The following SORCS2 variants were observed in gnomAD, a reference collection of about 807,000 sequenced individuals.
The protein encoded by SORCS2 is sortilin related VPS10 domain containing receptor 2.
SORCS2 carries 100 observed loss-of-function variants against 141.6 expected under a neutral mutation model. The ratio of observed to expected loss-of-function variants is 0.71; its 90% CI spans 0.60 to 0.83. SORCS2 has a LOEUF of 0.83. Ranked by LOEUF, SORCS2 falls within the 40% of genes least tolerant of loss-of-function variation. The pLI is 0.00. For synonymous variants in SORCS2, 789 were observed against 676.9 expected (o/e 1.17, Z -2.57); for missense variants, 1,646 against 1,560.2 (o/e 1.05, Z -0.93).
At chr4:7,324,071 G>A (rs1428499504) in intron 1 of SORCS2, among the ~76,000 whole-genome samples, 1 of 152,222 alleles carries the variant, frequency 6.6e-6, no homozygotes, top group African/African-American at 2.4e-5. Context: ...GGGTCTTGCA[G>A]GCTTGGGGAG....
Position 7,434,758 on chromosome 4 carries a change from G to A in SORCS2, c.548+38403G>A, listed in dbSNP as rs761972817. On this transcript the variant is annotated intron_variant, in intron 2 of 26. Coordinates refer to ENST00000507866, the MANE Select transcript of SORCS2 (RefSeq NM_020777.3). ...GCAGTACCCCACAGCCCCGCACCTG[G>A]CAGCTGTCTGCAGATCCTGACACCA... is the stretch of plus-strand genomic sequence containing the variant. 40 of 1,612,884 alleles carry A rather than the reference G, an allele frequency of 2.5e-5. No homozygotes were observed. The highest frequency in any genetic ancestry group is 3.2e-5 in the Non-Finnish European group (38 of 1,179,552).
intron 8 of SORCS2, among the ~76,000 whole-genome samples, chr4:7,674,427 G>T (rs897515647): frequency 5.9e-5 from 9 of 152,006 alleles, no homozygotes; most frequent in Non-Finnish European, 1.2e-4. Flanking sequence ...CAAAAAATTA[G>T]CTGGGCATAG....
intron 1 of SORCS2, among the ~76,000 whole-genome samples, chr4:7,275,171 T>C (rs536015640): frequency 6.6e-5 from 10 of 152,320 alleles, no homozygotes; most frequent in Admixed American, 5.9e-4. Context: ...GTCTCTAGTT[T>C]GTGGGTTGTT....
At chr4:7,656,937 C>T (rs1208476425) in intron 5 of SORCS2, among the ~76,000 whole-genome samples, 9 of 152,240 alleles carry the variant, frequency 5.9e-5, no homozygotes, top group South Asian at 2.1e-4. Context: ...CCCTGAGGGC[C>T]GCCTGCCCCC....
rs1169685660 is a variant in SORCS2 at position 7,725,297 on chromosome 4, C to T, written c.2745+10C>T. ...CGGCCACAGCCTGCAGGTGCGCTGGCTTTGCCCCAACTCAGCCCTTCTTCC... is the reference window on the plus strand; with the variant it reads ...CGGCCACAGCCTGCAGGTGCGCTGGTTTTGCCCCAACTCAGCCCTTCTTCC... On this transcript the variant is annotated intron_variant, in intron 20 of 26. Coordinates refer to ENST00000507866, the MANE Select transcript of SORCS2 (RefSeq NM_020777.3). 1.2e-6 allele frequency: 2 copies of T among 1,610,678 alleles called. No homozygotes were observed. Among genetic ancestry groups the T allele is most frequent in the Admixed American group, 3.3e-5 (2 of 59,708 alleles).
Position 7,421,877 on chromosome 4 carries a change from TG to T in SORCS2, c.548+25526del, listed in dbSNP as rs1213165253. 3.7e-5 allele frequency among the ~76,000 whole-genome samples: 5 copies of T among 135,242 alleles called. No individual in the cohort carries two copies. In the East Asian group the frequency reaches 9.4e-4, roughly 26 times the overall value. The allele number at this position is 135,242 out of a possible 152,430, so 88.7% of individuals were successfully genotyped here. A position where few individuals can be genotyped will look rare whatever the true frequency, so the allele number is the denominator to read the frequency against. On this transcript the variant is annotated intron_variant, in intron 2 of 26. Coordinates refer to ENST00000507866, the MANE Select transcript of SORCS2 (RefSeq NM_020777.3). ...CTTGCAGGAGAGGGAGTGCAGGGGC[TG>T]GGGCGGGCTTGCAGGAGAGGGAGGG...
At chr4:7,216,974 C>G (rs558924257) in intron 1 of SORCS2, among the ~76,000 whole-genome samples, 1 of 152,016 alleles carries the variant, frequency 6.6e-6, no homozygotes, top group Non-Finnish European at 1.5e-5. Flanking sequence ...CTTCTGATCC[C>G]CCATCCGCAC....
chr4:7,728,278 G>T, intron 21 of SORCS2, 72 bp from the exon 22 acceptor site: 1 of 1,145,176 alleles, frequency 8.7e-7, no homozygotes, highest in South Asian at 1.4e-5. Context: ...GGCTGCCCCC[G>T]ACCCCCACCC....
intron 23 of SORCS2, among the ~76,000 whole-genome samples, chr4:7,732,354 C>G (rs915329530): frequency 1.4e-4 from 21 of 152,272 alleles, no homozygotes; most frequent in African/African-American, 5.1e-4. Context: ...ATGACTGATG[C>G]TTGGACCTGG....
intron 3 of SORCS2, among the ~76,000 whole-genome samples, chr4:7,590,845 T>A (rs1041832720): frequency 6.6e-6 from 1 of 152,240 alleles, no homozygotes; most frequent in Non-Finnish European, 1.5e-5. Context: ...CAAATGTGTC[T>A]TGTGTTAGAC....
intron 11 of SORCS2, among the ~76,000 whole-genome samples, chr4:7,691,225 C>G (rs1248288974): frequency 6.6e-6 from 1 of 152,252 alleles, no homozygotes; most frequent in Admixed American, 6.5e-5. Flanking sequence ...GAGCTGGACA[C>G]CACATCTTAC....
At position 7,193,202 on chromosome 4, in the gene SORCS2, C is replaced by G; in HGVS notation, c.480+76C>G. On this transcript the variant is annotated intron_variant, in intron 1 of 26. Coordinates refer to ENST00000507866, the MANE Select transcript of SORCS2 (RefSeq NM_020777.3). This position sits in a 1 kb window ranked among gnomAD's most constrained non-coding sequence, Gnocchi z 4.8. ...ACACCCGGGCGGGACCGCCACGGCCCCCACCCCAGATCCCCACTATGGTCA... is the reference window on the plus strand; with the variant it reads ...ACACCCGGGCGGGACCGCCACGGCCGCCACCCCAGATCCCCACTATGGTCA... The G allele has an allele frequency of 7.3e-7, 1 of 1,374,706 alleles. No individual in the cohort carries two copies. Among genetic ancestry groups the G allele is most frequent in the Non-Finnish European group, 9.4e-7 (1 of 1,066,690 alleles). The allele number at this position is 1,374,706 out of a possible 1,614,324, so 85.2% of individuals were successfully genotyped here.
At chr4:7,571,514 G>A (rs903948327) in intron 3 of SORCS2, among the ~76,000 whole-genome samples, 5 of 152,072 alleles carry the variant, frequency 3.3e-5, no homozygotes, top group Admixed American at 6.5e-5. Context: ...TGAGGGACCC[G>A]CAAAATTCTA....
intron 5 of SORCS2, among the ~76,000 whole-genome samples, chr4:7,659,078 T>A (rs905598837): frequency 6.6e-6 from 1 of 152,126 alleles, no homozygotes; most frequent in Non-Finnish European, 1.5e-5. Flanking sequence ...ATAACAAACA[T>A]GACCAGCCAC....
At chr4:7,727,295 G>T (rs1727286753) in intron 21 of SORCS2, among the ~76,000 whole-genome samples, 1 of 152,226 alleles carries the variant, frequency 6.6e-6, no homozygotes, top group African/African-American at 2.4e-5. Flanking sequence ...GCAGCTTAAA[G>T]AGGACTCCTG....
At chr4:7,428,159 T>TGGGGCG in intron 2 of SORCS2, among the ~76,000 whole-genome samples, 1 of 152,140 alleles carries the variant, frequency 6.6e-6, no homozygotes, top group East Asian at 1.9e-4. Context: ...ACAGCGTCCC[T>TGGGGCG]GGGGCGGCTG....
At chr4:7,525,889 AGT>A (rs1156418019) in intron 2 of SORCS2, among the ~76,000 whole-genome samples, 1 of 113,680 alleles carries the variant, frequency 8.8e-6, no homozygotes, top group African/African-American at 3.8e-5. Flanking sequence ...TCCCCTCCTC[AGT>A]CACCTGTCTC....
At chr4:7,490,735 G>A (rs1249924720) in intron 2 of SORCS2, among the ~76,000 whole-genome samples, 1 of 152,168 alleles carries the variant, frequency 6.6e-6, no homozygotes, top group Admixed American at 6.5e-5. Context: ...ACTGGCCAGT[G>A]TGTGTAATGG....
chr4:7,284,531 G>T (rs1716084874), intron 1 of SORCS2, among the ~76,000 whole-genome samples: 2 of 152,184 alleles, frequency 1.3e-5, no homozygotes, highest in South Asian at 4.1e-4. Flanking sequence ...GTTATGACCT[G>T]GCAGCTCCAT....
Sources: allele counts gnomAD v4.1 joint callset (sites outside exome capture counted in the v4.1 genomes callset), GRCh38; gene constraint gnomAD v4.1.1; non-coding constraint Gnocchi (gnomAD v3.1); transcripts MANE v1.5; gene names NCBI Gene and HGNC (gene_info 2026-07-23, HGNC 2026-07-21).